PRR16: variants seen among roughly 807,000 people sequenced by gnomAD.
PRR16 encodes the protein protein Largen.
PRR16 carries 6 observed loss-of-function variants against 18.2 expected under a neutral mutation model. That is an observed-to-expected ratio of 0.33 (90% CI 0.18 to 0.65). The LOEUF is 0.65. PRR16 is among the 30% of genes least tolerant of loss of function. The pLI is 0.74. For missense variants in PRR16, 412 were observed against 376.6 expected (o/e 1.09, Z -0.78); for synonymous variants, 151 against 147.8 (o/e 1.02, Z -0.16).
At chr5:120,553,268 A>G (rs1752310655) in intron 1 of PRR16, among the ~76,000 whole-genome samples, 1 of 151,840 alleles carries the variant, frequency 6.6e-6, no homozygotes, top group Admixed American at 6.6e-5. Context: ...CCATAACTTG[A>G]TATTAGTGAG....
At chr5:120,538,569 T>TA (rs1751803818) in intron 1 of PRR16, among the ~76,000 whole-genome samples, 2 of 152,200 alleles carry the variant, frequency 1.3e-5, no homozygotes, top group Admixed American at 1.3e-4. Context: ...GGGGACCAAA[T>TA]AAAGGTTTCT....
intron 1 of PRR16, among the ~76,000 whole-genome samples, chr5:120,474,086 G>A (rs115663820): frequency 0.015 from 2,267 of 152,254 alleles, 63 homozygotes; most frequent in African/African-American, 0.052. Context: ...GGCAGGAGTG[G>A]ACGAGCAGGG....
chr5:120,475,602 T>G (rs942756810), intron 1 of PRR16, among the ~76,000 whole-genome samples: 3 of 152,024 alleles, frequency 2.0e-5, no homozygotes, highest in Non-Finnish European at 4.4e-5. Flanking sequence ...CTGGGTGCTG[T>G]GGTATGTGCC....
At chr5:120,608,791 CA>C (rs1354529635) in intron 1 of PRR16, among the ~76,000 whole-genome samples, 2 of 152,106 alleles carry the variant, frequency 1.3e-5, no homozygotes, top group Non-Finnish European at 2.9e-5. Context: ...TGCCATGATC[CA>C]GGTTCTATTT....
intron 1 of PRR16, among the ~76,000 whole-genome samples, chr5:120,644,574 A>G (rs1755530058): frequency 6.6e-6 from 1 of 152,180 alleles, no homozygotes; most frequent in South Asian, 2.1e-4. Context: ...GAGTCAACAG[A>G]AAACTGAATC....
the PRR16 span, among the ~76,000 whole-genome samples, chr5:120,736,627 A>G: frequency 3.4e-5 from 5 of 148,590 alleles, no homozygotes; most frequent in African/African-American, 1.2e-4. Flanking sequence ...TTCTGCAAAA[A>G]CTGTCATTGG....
At chr5:120,704,519 G>A in the PRR16 span, among the ~76,000 whole-genome samples, 2 of 152,042 alleles carry the variant, frequency 1.3e-5, no homozygotes, top group Non-Finnish European at 2.9e-5. Flanking sequence ...GCATTTTATG[G>A]TATAGAAACT....
intron 1 of PRR16, among the ~76,000 whole-genome samples, chr5:120,578,831 C>A (rs1435171084): frequency 6.6e-6 from 1 of 152,124 alleles, no homozygotes; most frequent in African/African-American, 2.4e-5. Context: ...ATACTGTCTT[C>A]CACAAGGGTG....
At chr5:120,612,680 T>G (rs1754374120) in intron 1 of PRR16, among the ~76,000 whole-genome samples, 1 of 152,128 alleles carries the variant, frequency 6.6e-6, no homozygotes, top group Admixed American at 6.5e-5. Context: ...TCTTTTTCTT[T>G]CCAGTCTCAG....
chr5:120,761,170 T>C, the PRR16 span, among the ~76,000 whole-genome samples: 1 of 152,126 alleles, frequency 6.6e-6, no homozygotes, highest in Non-Finnish European at 1.5e-5. Context: ...TTCATATGTA[T>C]TTTAAGCCTA....
intron 1 of PRR16, among the ~76,000 whole-genome samples, chr5:120,597,797 A>C (rs888831010): frequency 3.3e-5 from 5 of 151,828 alleles, no homozygotes; most frequent in Non-Finnish European, 7.4e-5. Context: ...CTCCTTCTAA[A>C]TCTTCTAAAT....
In PRR16 at chr5:120,607,543, A is replaced by C. The variant is rs562990855; in HGVS notation, c.160-78411A>C. Among the ~76,000 whole-genome samples the C allele has an allele frequency of 2.6e-5, 4 of 152,296 alleles. No individual in the cohort carries two copies. The East Asian group carries it at 7.7e-4, about 29-fold the overall frequency. The stretch of plus-strand genomic sequence containing the variant: ...GTTGTGCTGTGAATATGGATGCTGC[A>C]GTAGGGACCCTTGATCTATGCTTCA... On this transcript the variant is annotated intron_variant, in intron 1 of 1. Coordinates refer to ENST00000407149, the MANE Select transcript of PRR16 (RefSeq NM_001300783.2).
chr5:120,541,634 T>C (rs1379726337), intron 1 of PRR16, among the ~76,000 whole-genome samples: 1 of 152,220 alleles, frequency 6.6e-6, no homozygotes, highest in Non-Finnish European at 1.5e-5. Context: ...AAATGATTGC[T>C]CAAGGGCATT....
the PRR16 span, among the ~76,000 whole-genome samples, chr5:120,714,493 T>C: frequency 5.9e-5 from 9 of 152,306 alleles, no homozygotes; most frequent in South Asian, 2.1e-4. Flanking sequence ...GAACAATAGA[T>C]GCTGGTGAGG....
At chr5:120,561,278 C>T (rs1456822422) in intron 1 of PRR16, among the ~76,000 whole-genome samples, 4 of 151,910 alleles carry the variant, frequency 2.6e-5, no homozygotes, top group African/African-American at 9.7e-5. Flanking sequence ...CTTAGGAATG[C>T]TTTCACTGTA....
chr5:120,501,621 A>G (rs1055664413), intron 1 of PRR16, among the ~76,000 whole-genome samples: 6 of 152,190 alleles, frequency 3.9e-5, no homozygotes, highest in African/African-American at 1.4e-4. Context: ...ATTCATAGAA[A>G]TGAGTGGAAC....
the PRR16 span, among the ~76,000 whole-genome samples, chr5:120,755,697 G>T: frequency 9.4e-4 from 143 of 152,160 alleles, no homozygotes; most frequent in African/African-American, 3.4e-3. Flanking sequence ...TGAACTATGA[G>T]TACACATGCC....
intron 1 of PRR16, chr5:120,618,561 C>T: frequency 1.1e-6 from 1 of 941,490 alleles, no homozygotes; most frequent in Non-Finnish European, 1.3e-6. Context: ...AATTCTACTT[C>T]AGAGGTAAGT....
At chr5:120,487,311 G>C (rs993995482) in intron 1 of PRR16, among the ~76,000 whole-genome samples, 14 of 151,930 alleles carry the variant, frequency 9.2e-5, no homozygotes, top group South Asian at 2.1e-4. Flanking sequence ...TTTGCATCCT[G>C]TTTTATTTCA....
Sources: gnomAD v4.1 joint callset for allele counts (sites outside exome capture counted in the v4.1 genomes callset) on GRCh38, gnomAD v4.1.1 for gene constraint, MANE v1.5 for transcripts, NCBI Gene and HGNC (gene_info 2026-07-23, HGNC 2026-07-21) for gene names.